Variants in RBFOX1 observed in about 807,000 individuals in gnomAD.
RBFOX1 encodes RNA binding fox-1 homolog 1.
RBFOX1 carries 8 observed loss-of-function variants against 57.7 expected under a neutral mutation model. That is an observed-to-expected ratio of 0.14 (90% CI 0.08 to 0.25). The LOEUF is 0.25. Ranked by LOEUF, RBFOX1 falls within the 10% of genes least tolerant of loss-of-function variation. RBFOX1 has a pLI of 1.00. For synonymous variants in RBFOX1, 326 were observed against 222.4 expected, an observed-to-expected ratio of 1.47 and a Z score of -4.15; for missense variants, 611 against 548.5, an observed-to-expected ratio of 1.11 and a Z score of -1.14.
chr16:5,973,881 C>T (rs1204547947), intron 4 of RBFOX1, among the ~76,000 whole-genome samples: 1 of 152,190 alleles, frequency 6.6e-6, no homozygotes, highest in African/African-American at 2.4e-5. Flanking sequence ...GTACCTTAAA[C>T]TTCACTTCGT....
At chr16:7,020,711 G>A (rs1009500538) in intron 3 of RBFOX1, among the ~76,000 whole-genome samples, 3 of 152,272 alleles carry the variant, frequency 2.0e-5, no homozygotes, top group South Asian at 4.1e-4. Context: ...GGAAGAGGAA[G>A]AGGAGGAGGG....
At chr16:7,544,343 G>A (rs2083817411) in intron 5 of RBFOX1, among the ~76,000 whole-genome samples, 1 of 152,192 alleles carries the variant, frequency 6.6e-6, no homozygotes, top group Non-Finnish European at 1.5e-5. Context: ...AATGTACTGA[G>A]TGAATTAGTG....
At chr16:7,128,593 C>A (rs140407779) in intron 4 of RBFOX1, among the ~76,000 whole-genome samples, 1 of 152,126 alleles carries the variant, frequency 6.6e-6, no homozygotes, top group Non-Finnish European at 1.5e-5. Flanking sequence ...CAAAGGTACT[C>A]AAAGCCTGGA....
At chr16:5,658,183 C>T (rs1163354621) in intron 3 of RBFOX1, among the ~76,000 whole-genome samples, 1 of 152,142 alleles carries the variant, frequency 6.6e-6, no homozygotes, top group Non-Finnish European at 1.5e-5. Flanking sequence ...TGAAGAAAGG[C>T]TCGCAGACCT....
intron 11 of RBFOX1, among the ~76,000 whole-genome samples, chr16:7,648,409 G>T (rs2064200099): frequency 6.6e-6 from 1 of 151,996 alleles, no homozygotes. Flanking sequence ...ATTTTTAGTA[G>T]AGACGGGGTT....
chr16:7,214,788 A>C (rs1450502096), intron 4 of RBFOX1, among the ~76,000 whole-genome samples: 1 of 152,136 alleles, frequency 6.6e-6, no homozygotes, highest in Non-Finnish European at 1.5e-5. Flanking sequence ...CACCCCTGCA[A>C]AATGAAGTAG....
chr16:5,322,456 G>A (rs532421895), intron 1 of RBFOX1, among the ~76,000 whole-genome samples: 2 of 152,296 alleles, frequency 1.3e-5, no homozygotes, highest in South Asian at 2.1e-4. Context: ...GGCCAGAGGT[G>A]CACTGTTAGC....
At chr16:5,919,653 A>G (rs937181099) in intron 4 of RBFOX1, among the ~76,000 whole-genome samples, 4 of 152,072 alleles carry the variant, frequency 2.6e-5, no homozygotes, top group Non-Finnish European at 5.9e-5. Flanking sequence ...TAACCATTTT[A>G]AAGCGTATAA....
At chr16:6,190,309 G>C (rs533620487) in intron 1 of RBFOX1, among the ~76,000 whole-genome samples, 9 of 152,316 alleles carry the variant, frequency 5.9e-5, no homozygotes, top group Non-Finnish European at 1.0e-4. Flanking sequence ...CCAACACTAA[G>C]TAGTAATGTT....
At chr16:5,475,683 CT>C (rs754540510) in intron 2 of RBFOX1, among the ~76,000 whole-genome samples, 1 of 152,226 alleles carries the variant, frequency 6.6e-6, no homozygotes, top group Admixed American at 6.5e-5. Flanking sequence ...GGAGCCAGTC[CT>C]TTGCTTCCAC....
At chr16:7,166,689 C>T (rs537493255) in intron 4 of RBFOX1, among the ~76,000 whole-genome samples, 12 of 152,230 alleles carry the variant, frequency 7.9e-5, no homozygotes, top group East Asian at 3.9e-4. Context: ...CCCCAGTCTG[C>T]TGTCAGCCGA....
At chr16:6,748,294 C>T (rs181417775) in intron 3 of RBFOX1, among the ~76,000 whole-genome samples, 1 of 151,248 alleles carries the variant, frequency 6.6e-6, no homozygotes, top group Non-Finnish European at 1.5e-5. Flanking sequence ...CACACACACA[C>T]GCAAATACAT....
chr16:5,714,448 A>G (rs927273325), intron 3 of RBFOX1, among the ~76,000 whole-genome samples: 2 of 152,200 alleles, frequency 1.3e-5, no homozygotes, highest in Non-Finnish European at 2.9e-5. Context: ...TGAAGCTCGA[A>G]GAGACCACCC....
chr16:7,664,770 G>A (rs890584944), intron 12 of RBFOX1, 159 bp from the exon 13 acceptor site: 2 of 1,320,584 alleles, frequency 1.5e-6, no homozygotes, highest in Admixed American at 2.0e-5. Context: ...TTGCTCAACT[G>A]CCGTTGTCTC....
chr16:6,483,675 G>A (rs575281053), intron 2 of RBFOX1: 216 of 1,434,002 alleles, frequency 1.5e-4, no homozygotes, highest in Admixed American at 6.2e-4. Flanking sequence ...CCGCGGGAGG[G>A]GGTTGCAGAG....
At chr16:6,852,314 T>A (rs531451221) in intron 3 of RBFOX1, among the ~76,000 whole-genome samples, 2 of 152,292 alleles carry the variant, frequency 1.3e-5, no homozygotes, top group Admixed American at 6.5e-5. Context: ...CTTTTAAGGA[T>A]GCTTGAGGTT....
At chr16:6,584,752 G>T (rs1268175763) in intron 2 of RBFOX1, among the ~76,000 whole-genome samples, 2 of 152,034 alleles carry the variant, frequency 1.3e-5, no homozygotes, top group Non-Finnish European at 2.9e-5. Context: ...GATGTGAATT[G>T]CCACCCACCA....
chr16:7,122,491 C>A (rs2067410790), intron 4 of RBFOX1, among the ~76,000 whole-genome samples: 1 of 152,066 alleles, frequency 6.6e-6, no homozygotes, highest in South Asian at 2.1e-4. Context: ...ATTAGCTATT[C>A]AGCAAGTGCA....
intron 3 of RBFOX1, among the ~76,000 whole-genome samples, chr16:6,776,762 T>C (rs2079443540): frequency 1.3e-5 from 2 of 152,246 alleles, no homozygotes; most frequent in Admixed American, 6.5e-5. Flanking sequence ...TTTTCTGCAC[T>C]AATGCAATCA....
Sources: gnomAD v4.1 joint callset for allele counts (sites outside exome capture counted in the v4.1 genomes callset) on GRCh38, gnomAD v4.1.1 for gene constraint, MANE v1.5 for transcripts, NCBI Gene and HGNC (gene_info 2026-07-23, HGNC 2026-07-21) for gene names.